Variants in NFYA observed in about 807,000 individuals in gnomAD.
NFYA encodes the protein CAAT-box DNA binding protein subunit A.
In NFYA, 28 loss-of-function variants were observed where a neutral mutation model predicts 52.8. That is an observed-to-expected ratio of 0.53 (90% CI 0.39 to 0.73). The LOEUF is 0.73. Ranked by LOEUF, NFYA falls within the 30% of genes least tolerant of loss-of-function variation. The pLI, the probability that NFYA is intolerant of heterozygous loss-of-function variation, is 0.00. For missense variants in NFYA, 234 were observed against 427.0 expected (o/e 0.55, Z 3.98); for synonymous variants, 150 against 150.7 (o/e 1.00, Z 0.03).
intron 7 of NFYA, 147 bp downstream of exon 7, chr6:41,091,841 A>T (rs1426235145): frequency 1.1e-6 from 1 of 875,890 alleles, no homozygotes; most frequent in African/African-American, 1.7e-5. Context: ...TAACATTATG[A>T]CAAACCATAA....
intron 9 of NFYA, 133 bp downstream of exon 9, chr6:41,094,630 T>G: frequency 3.2e-6 from 2 of 631,218 alleles, no homozygotes. Context: ...TGCAATCTTA[T>G]GTCTCTTTAG....
chr6:41,095,064 C>T (rs766315685), intron 9 of NFYA, among the ~76,000 whole-genome samples: 6 of 152,084 alleles, frequency 3.9e-5, no homozygotes, highest in Non-Finnish European at 8.8e-5. Context: ...TTTGGTTTCC[C>T]TTCTTCCACT....
At chr6:41,083,177 A>G (rs1763955589) in intron 3 of NFYA, among the ~76,000 whole-genome samples, 1 of 152,194 alleles carries the variant, frequency 6.6e-6, no homozygotes, top group Non-Finnish European at 1.5e-5. Context: ...TCCAGAAAGC[A>G]TTCTATTAGG....
At chr6:41,083,061 ATATTC>A (rs1193367406) in intron 3 of NFYA, among the ~76,000 whole-genome samples, 2 of 152,236 alleles carry the variant, frequency 1.3e-5, no homozygotes, top group African/African-American at 4.8e-5. Flanking sequence ...TCAGTCATGA[ATATTC>A]TGTTCTAAGT....
chr6:41,082,760 T>C (rs534548888), intron 3 of NFYA, among the ~76,000 whole-genome samples: 1 of 152,292 alleles, frequency 6.6e-6, no homozygotes, highest in South Asian at 2.1e-4. Context: ...AAGCATTTGG[T>C]GTAGCAAAGG....
chr6:41,083,381 G>A (rs576371720), intron 3 of NFYA, among the ~76,000 whole-genome samples: 65 of 152,358 alleles, frequency 4.3e-4, no homozygotes, highest in African/African-American at 1.5e-3. Flanking sequence ...TTCCACCATG[G>A]AGACTGCAAA....
At chr6:41,088,313 C>T (rs1764100996) in intron 4 of NFYA, among the ~76,000 whole-genome samples, 1 of 148,576 alleles carries the variant, frequency 6.7e-6, no homozygotes, top group South Asian at 2.1e-4. Context: ...GTCCCAGCTA[C>T]TCGGGAGGCT....
chr6:41,080,791 C>G lies in NFYA; in HGVS notation c.76-20C>G, dbSNP rs1404283449. 6.2e-7 allele frequency: 1 copy of G among 1,605,250 alleles called. No homozygotes were observed. The highest frequency in any genetic ancestry group is 8.5e-7 in the Non-Finnish European group (1 of 1,172,420). On this transcript the variant is annotated intron_variant, in intron 2 of 9. Transcript: ENST00000341376. ...TTTCCTTCCTGACATATTTCAAGCT[C>G]TTCCTGTTCCTGTTCTCAGCAGCAG...
rs1327749250 is a variant in NFYA at position 41,102,402 on chromosome 6, A to G, written c.*4992A>G. Among the ~76,000 whole-genome samples the G allele has an allele frequency of 6.6e-6, 1 of 152,246 alleles. No individual in the cohort carries two copies. The highest frequency in any genetic ancestry group is 1.9e-4 in the East Asian group (1 of 5,202). ...AAATAAAGTATTCTCTTCTAACAAT[A>G]ACGTATCTCAAGTGTGTATTCAGAC... is the stretch of plus-strand genomic sequence containing the variant. On this transcript the variant is annotated 3_prime_UTR_variant, in exon 10 of 10. Transcript: ENST00000341376.
intron 4 of NFYA, among the ~76,000 whole-genome samples, chr6:41,088,126 C>T (rs981394903): frequency 2.0e-5 from 3 of 152,040 alleles, no homozygotes; most frequent in African/African-American, 7.2e-5. Context: ...CAGCTTAAAA[C>T]AACAAACATT....
At position 41,084,043 on chromosome 6, in the gene NFYA, T is replaced by G; in HGVS notation, c.163-3T>G. The G allele has an allele frequency of 6.3e-7, 1 of 1,589,452 alleles. No homozygotes were observed. The highest frequency in any genetic ancestry group is 8.5e-7 in the Non-Finnish European group (1 of 1,170,226). ...TCATTGTTCTTATTTTATTTCATTC[T>G]AGGTCCAAGGGCAGCCATTAATGGT... On this transcript the variant is annotated splice_polypyrimidine_tract_variant and splice_region_variant and intron_variant, in intron 3 of 9. Coordinates refer to ENST00000341376, the MANE Select transcript of NFYA (RefSeq NM_002505.5).
rs764397986 is a variant in NFYA, at chr6:41,097,379, AAGC to A, written c.1015_1017del (p.Ala339del). ...TAGGATCCAAACCAAGCCGATGAAGAAGCAATGACACAGATCATCCGAGTGTCC... is the reference window on the plus strand; with the variant it reads ...TAGGATCCAAACCAAGCCGATGAAGAAATGACACAGATCATCCGAGTGTCC... On this transcript the variant is annotated inframe_deletion, in exon 10 of 10. Coordinates refer to ENST00000341376, the MANE Select transcript of NFYA (RefSeq NM_002505.5). 1 of 1,614,084 alleles carries A rather than the reference AAGC, an allele frequency of 6.2e-7. No homozygotes were observed. Among genetic ancestry groups the A allele is most frequent in the Non-Finnish European group, 8.5e-7 (1 of 1,179,932 alleles).
intron 3 of NFYA, among the ~76,000 whole-genome samples, chr6:41,083,390 A>G (rs1461688781): frequency 3.3e-5 from 5 of 152,266 alleles, no homozygotes; most frequent in Admixed American, 6.5e-5. Context: ...GGAGACTGCA[A>G]ACTGACCAGA....
intron 1 of NFYA, among the ~76,000 whole-genome samples, chr6:41,074,966 T>C (rs1763694068): frequency 6.6e-6 from 1 of 151,540 alleles, no homozygotes; most frequent in South Asian, 2.1e-4. Flanking sequence ...TAAATTCACA[T>C]TTAATGTTAT....
chr6:41,090,371 CT>C (rs2113813201), intron 6 of NFYA, 62 bp downstream of exon 6: 2 of 978,264 alleles, frequency 2.0e-6, no homozygotes, highest in East Asian at 4.9e-5. Context: ...CCTTAGACAA[CT>C]GACATCTTTA....
chr6:41,088,246 G>A (rs568978682), intron 4 of NFYA, among the ~76,000 whole-genome samples: 7 of 151,522 alleles, frequency 4.6e-5, no homozygotes, highest in South Asian at 2.1e-4. Flanking sequence ...GTGAAACCCC[G>A]TCTCTACTAA....
At chr6:41,073,873 C>T (rs368195051) in intron 1 of NFYA, among the ~76,000 whole-genome samples, 1 of 151,886 alleles carries the variant, frequency 6.6e-6, no homozygotes, top group African/African-American at 2.4e-5. Context: ...TTCCCCGCCC[C>T]GTTCGCAGTG....
intron 9 of NFYA, among the ~76,000 whole-genome samples, chr6:41,097,077 C>A (rs565016941): frequency 5.3e-5 from 8 of 152,290 alleles, no homozygotes; most frequent in Admixed American, 5.2e-4. Flanking sequence ...GTATAGAGAA[C>A]AACACAAGGT....
rs147185322 is a variant in NFYA, at chr6:41,100,518, CA to C, written c.*3110del. Among the ~76,000 whole-genome samples, 15,072 of 152,200 alleles carry C rather than the reference CA, an allele frequency of 0.099. 769 individuals carry two copies. Among genetic ancestry groups the C allele is most frequent in the Middle Eastern group, 0.15 (44 of 294 alleles). Reference sequence around the variant, plus strand: ...GAGACAAACAGCCCGAGGAAGCACTCAATGATGAGAGCAGTAGACCTGCCCT... The same window carrying C: ...GAGACAAACAGCCCGAGGAAGCACTCATGATGAGAGCAGTAGACCTGCCCT... On this transcript the variant is annotated 3_prime_UTR_variant, in exon 10 of 10. Coordinates refer to ENST00000341376, the MANE Select transcript of NFYA (RefSeq NM_002505.5).
Sources: gnomAD v4.1 joint callset for allele counts (sites outside exome capture counted in the v4.1 genomes callset) on GRCh38, gnomAD v4.1.1 for gene constraint, MANE v1.5 for transcripts, NCBI Gene and HGNC (gene_info 2026-07-23, HGNC 2026-07-21) for gene names.